PLCB1: variants seen among roughly 807,000 people sequenced by gnomAD.
PLCB1 encodes the protein phospholipase C beta 1.
Under a neutral mutation model 161.8 loss-of-function variants are expected in PLCB1, and 46 were observed. That is an observed-to-expected ratio of 0.28 (90% CI 0.22 to 0.36). The LOEUF is 0.36. Ranked by LOEUF, PLCB1 falls within the 10% of genes least tolerant of loss-of-function variation. PLCB1 has a pLI of 1.00. For synonymous variants in PLCB1, 517 were observed against 503.7 expected (o/e 1.03, Z -0.35); for missense variants, 1,016 against 1,472.5 (o/e 0.69, Z 5.07).
intron 2 of PLCB1, among the ~76,000 whole-genome samples, chr20:8,297,942 C>T (rs1983713758): frequency 6.7e-6 from 1 of 149,594 alleles, no homozygotes; most frequent in East Asian, 2.0e-4. Flanking sequence ...TGCAGGCTCA[C>T]ATGCTTCTTG....
chr20:8,878,289 C>T (rs1323627469), intron 31 of PLCB1, among the ~76,000 whole-genome samples: 1 of 152,168 alleles, frequency 6.6e-6, no homozygotes, highest in Non-Finnish European at 1.5e-5. Flanking sequence ...CTTGGAAACA[C>T]ATGTGTTACT....
chr20:8,464,127 A>G (rs1273973796), intron 3 of PLCB1, among the ~76,000 whole-genome samples: 1 of 152,134 alleles, frequency 6.6e-6, no homozygotes, highest in Non-Finnish European at 1.5e-5. Flanking sequence ...AGTTTCTCCT[A>G]TAGTCTAATA....
chr20:8,392,985 G>A (rs557641421), intron 3 of PLCB1, among the ~76,000 whole-genome samples: 15 of 152,066 alleles, frequency 9.9e-5, no homozygotes, highest in South Asian at 4.2e-4. Context: ...AAAGTTTTCC[G>A]GAACTCCTGA....
At chr20:8,298,210 G>T (rs564028427) in intron 2 of PLCB1, among the ~76,000 whole-genome samples, 2 of 150,748 alleles carry the variant, frequency 1.3e-5, no homozygotes, top group Non-Finnish European at 2.9e-5. Flanking sequence ...TAGGAGGATC[G>T]CTTGAGTCTT....
intron 3 of PLCB1, among the ~76,000 whole-genome samples, chr20:8,454,467 G>A (rs73092046): frequency 1.1e-4 from 16 of 152,332 alleles, no homozygotes; most frequent in Non-Finnish European, 2.2e-4. Flanking sequence ...GAGCAGTTAG[G>A]TAGACAACAG....
At chr20:8,294,658 C>A (rs1404938324) in intron 2 of PLCB1, among the ~76,000 whole-genome samples, 1 of 150,154 alleles carries the variant, frequency 6.7e-6, no homozygotes, top group Non-Finnish European at 1.5e-5. Flanking sequence ...GATAAGATGG[C>A]CTTATCAGAA....
chr20:8,262,523 G>A (rs1460852280), intron 2 of PLCB1, among the ~76,000 whole-genome samples: 1 of 152,160 alleles, frequency 6.6e-6, no homozygotes, highest in Non-Finnish European at 1.5e-5. Flanking sequence ...ATAGTTTAGA[G>A]CATGCCGCTC....
At chr20:8,776,950 G>C (rs1203212090) in intron 27 of PLCB1, among the ~76,000 whole-genome samples, 1 of 152,146 alleles carries the variant, frequency 6.6e-6, no homozygotes, top group African/African-American at 2.4e-5. Context: ...GCACGGAAAG[G>C]TTTACGCAGA....
intron 2 of PLCB1, among the ~76,000 whole-genome samples, chr20:8,268,480 C>T (rs1460848438): frequency 6.6e-6 from 1 of 151,978 alleles, no homozygotes; most frequent in African/African-American, 2.4e-5. Context: ...GGGTATATAC[C>T]CAGTAATGGG....
intron 3 of PLCB1, among the ~76,000 whole-genome samples, chr20:8,578,034 A>G (rs1024733615): frequency 6.6e-6 from 1 of 152,182 alleles, no homozygotes; most frequent in African/African-American, 2.4e-5. Flanking sequence ...CTCTGTTCTA[A>G]TAAAACTTAC....
At chr20:8,417,806 A>G (rs527602214) in intron 3 of PLCB1, among the ~76,000 whole-genome samples, 1 of 152,334 alleles carries the variant, frequency 6.6e-6, no homozygotes, top group Non-Finnish European at 1.5e-5. Flanking sequence ...CTTGGATACC[A>G]AATGTCCATC....
At chr20:8,147,043 A>G (rs2051460346) in intron 1 of PLCB1, among the ~76,000 whole-genome samples, 1 of 152,208 alleles carries the variant, frequency 6.6e-6, no homozygotes, top group African/African-American at 2.4e-5. Context: ...TTCTAAGGTC[A>G]CAGGTGTTCT....
At chr20:8,801,568 A>G (rs557715516) in intron 31 of PLCB1, among the ~76,000 whole-genome samples, 8 of 152,202 alleles carry the variant, frequency 5.3e-5, no homozygotes, top group South Asian at 4.1e-4. Flanking sequence ...CTGGTGTCCA[A>G]TAAATATTTT....
At position 8,753,372 on chromosome 20, in the gene PLCB1, CCAGAAAGG is replaced by C; in HGVS notation, c.2524-3672_2524-3665del. 1.3e-5 allele frequency among the ~76,000 whole-genome samples: 2 copies of C among 152,128 alleles called. 1 individual carries two copies. Among genetic ancestry groups the C allele is most frequent in the South Asian group, 4.1e-4 (2 of 4,822 alleles). On this transcript the variant is annotated intron_variant, in intron 23 of 31. Transcript: ENST00000338037. ...TCTTCCATGAAACTGGTCCTTGGTG[CCAGAAAGG>C]CTGGGGACCACTGACTTAACTTGTA...
At chr20:8,743,484 C>A (rs1446749282) in intron 23 of PLCB1, among the ~76,000 whole-genome samples, 1 of 152,112 alleles carries the variant, frequency 6.6e-6, no homozygotes, top group Admixed American at 6.5e-5. Flanking sequence ...CCAGAGCACC[C>A]TGTGGGATCA....
intron 3 of PLCB1, among the ~76,000 whole-genome samples, chr20:8,520,478 A>G (rs187509082): frequency 6.6e-6 from 1 of 152,234 alleles, no homozygotes; most frequent in Non-Finnish European, 1.5e-5. Flanking sequence ...TAGATCTAAG[A>G]TTCAAGTAAC....
chr20:8,518,750 T>A (rs915657050), intron 3 of PLCB1, among the ~76,000 whole-genome samples: 74 of 152,186 alleles, frequency 4.9e-4, no homozygotes, highest in African/African-American at 1.8e-3. Flanking sequence ...CACTTTATTT[T>A]ATTATTACAT....
intron 5 of PLCB1, 87 bp downstream of exon 5, chr20:8,646,268 A>G (rs1410950906): frequency 7.9e-6 from 7 of 886,110 alleles, no homozygotes; most frequent in Admixed American, 1.8e-5. Flanking sequence ...TTTATGCCAT[A>G]CTGACTTCTC....
At chr20:8,696,793 G>A (rs990796505) in intron 10 of PLCB1, among the ~76,000 whole-genome samples, 1 of 151,982 alleles carries the variant, frequency 6.6e-6, no homozygotes, top group South Asian at 2.1e-4. Context: ...GAGTGCAATG[G>A]CACCATCTCG....
Sources: allele counts gnomAD v4.1 joint callset (sites outside exome capture counted in the v4.1 genomes callset), GRCh38; gene constraint gnomAD v4.1.1; transcripts MANE v1.5; gene names NCBI Gene and HGNC (gene_info 2026-07-23, HGNC 2026-07-21).